The following MCF2L2 variants were observed in gnomAD, a reference collection of about 807,000 sequenced individuals.
MCF2L2 encodes probable guanine nucleotide exchange factor MCF2L2.
A neutral mutation model predicts 150.2 loss-of-function variants in MCF2L2; 102 were observed. The observed-to-expected ratio is 0.68, with a 90% confidence interval of 0.58 to 0.80. The LOEUF (loss-of-function observed/expected upper bound fraction) is 0.80, where lower values mean the gene tolerates loss of function less well. Ranked by LOEUF, MCF2L2 falls within the 30% of genes least tolerant of loss-of-function variation. MCF2L2 has a pLI of 0.00. For missense variants in MCF2L2, 1,256 were observed against 1,372.8 expected, an observed-to-expected ratio of 0.91 and a Z score of 1.34; for synonymous variants, 465 against 491.3, an observed-to-expected ratio of 0.95 and a Z score of 0.71.
intron 1 of MCF2L2, among the ~76,000 whole-genome samples, chr3:183,399,568 A>C (rs948469260): frequency 6.6e-6 from 1 of 152,232 alleles, no homozygotes; most frequent in Admixed American, 6.5e-5. Context: ...CACACTTAGA[A>C]ATGATGATTC....
rs1577063190 is a variant in MCF2L2, at chr3:183,323,276, T to C, written c.562A>G (p.Thr188Ala). 6.2e-7 allele frequency: 1 copy of C among 1,612,654 alleles called. No individual in the cohort carries two copies. The highest frequency in any genetic ancestry group is 8.5e-7 in the Non-Finnish European group (1 of 1,179,242). ...CACTGACCGTGGCGATATTCCAAAGTCCCCCCTAATTCCCGGGTCAGTTGG... is the reference window on the plus strand; with the variant it reads ...CACTGACCGTGGCGATATTCCAAAGCCCCCCCTAATTCCCGGGTCAGTTGG... ...KSQLTRELGG[T>A]LEYRHGQWVN... Residue 188 changes from threonine (T) to alanine (A), a missense_variant, in exon 6 of 30, where the codon ACT (threonine) becomes GCT (alanine). By Grantham distance (58) the Thr-to-Ala change is moderately conservative. Coordinates refer to ENST00000328913, the MANE Select transcript of MCF2L2 (RefSeq NM_015078.4).
chr3:183,410,481 T>A (rs1329742402), intron 1 of MCF2L2, among the ~76,000 whole-genome samples: 1 of 152,170 alleles, frequency 6.6e-6, no homozygotes. Context: ...AGATTCCCCA[T>A]AATTCTCTCC....
chr3:183,195,814 G>A (rs1003421964), intron 25 of MCF2L2, among the ~76,000 whole-genome samples: 3 of 152,098 alleles, frequency 2.0e-5, no homozygotes, highest in Non-Finnish European at 2.9e-5. Flanking sequence ...GACTCTCCCA[G>A]GCTAGGCTCA....
intron 10 of MCF2L2, 35 bp from the exon 11 acceptor site, chr3:183,300,231 G>T: frequency 6.4e-7 from 1 of 1,561,462 alleles, no homozygotes; most frequent in Non-Finnish European, 8.6e-7. Flanking sequence ...GGCGTCAGAA[G>T]TCAGAGCATC....
At chr3:183,338,283 C>A (rs1432233811) in intron 5 of MCF2L2, among the ~76,000 whole-genome samples, 1 of 151,866 alleles carries the variant, frequency 6.6e-6, no homozygotes, top group Non-Finnish European at 1.5e-5. Flanking sequence ...CCCGTCTCTA[C>A]TAAAAATACA....
chr3:183,305,705 C>T lies in MCF2L2; in HGVS notation c.1113+4011G>A, dbSNP rs569445466. On this transcript the variant is annotated intron_variant, in intron 10 of 29. Transcript: ENST00000328913. The surrounding 1 kb of genome is among the most constrained non-coding windows in gnomAD (Gnocchi z 4.1). ...CTCTACTAAAAATACAAAAATTAGC[C>T]GGGTGTGGTGGAGGGTACCTGTAGT... is the stretch of plus-strand genomic sequence containing the variant. Among the ~76,000 whole-genome samples the T allele has an allele frequency of 1.3e-5, 2 of 152,172 alleles. No individual in the cohort carries two copies. Among genetic ancestry groups the T allele is most frequent in the African/African-American group, 4.8e-5 (2 of 41,534 alleles).
intron 10 of MCF2L2, among the ~76,000 whole-genome samples, chr3:183,304,154 C>G (rs1988079238): frequency 6.6e-6 from 1 of 152,208 alleles, no homozygotes; most frequent in Non-Finnish European, 1.5e-5. Context: ...TTCTCTTGAT[C>G]AGAGCACCTG....
chr3:183,292,069 G>T (rs75813278), intron 13 of MCF2L2, among the ~76,000 whole-genome samples: 3,044 of 149,774 alleles, frequency 0.02, 58 homozygotes, highest in East Asian at 0.057. Context: ...GCAAGTGTGT[G>T]AGAGTGTATG....
chr3:183,272,668 G>A (rs1014603119), intron 15 of MCF2L2: 2 of 1,004,096 alleles, frequency 2.0e-6, no homozygotes, highest in Non-Finnish European at 2.4e-6. Context: ...TACAGTTTAA[G>A]TTTTCTGACC....
At chr3:183,182,192 G>A (rs1721549427) in intron 27 of MCF2L2, among the ~76,000 whole-genome samples, 1 of 152,226 alleles carries the variant, frequency 6.6e-6, no homozygotes, top group South Asian at 2.1e-4. Flanking sequence ...CGTGGAAAGA[G>A]GAAGGATCCT....
At chr3:183,413,602 C>T (rs1170116342) in intron 1 of MCF2L2, among the ~76,000 whole-genome samples, 2 of 152,160 alleles carry the variant, frequency 1.3e-5, no homozygotes, top group Admixed American at 6.5e-5. Flanking sequence ...CTCCAGGATG[C>T]GGTCAAGACG....
chr3:183,375,420 T>C (rs1376450893), intron 3 of MCF2L2: 4 of 152,250 alleles, frequency 2.6e-5, no homozygotes, highest in Non-Finnish European at 5.9e-5. Context: ...TTTCCCTTTT[T>C]TTCCTGTCGA....
chr3:183,393,084 C>A (rs896972236), intron 1 of MCF2L2, among the ~76,000 whole-genome samples: 11 of 152,164 alleles, frequency 7.2e-5, no homozygotes, highest in African/African-American at 2.2e-4. Flanking sequence ...CATGACCCAC[C>A]AAGGCGCTGG....
intron 1 of MCF2L2, among the ~76,000 whole-genome samples, chr3:183,392,920 A>G (rs549516198): frequency 1.3e-5 from 2 of 152,198 alleles, no homozygotes; most frequent in Non-Finnish European, 2.9e-5. Flanking sequence ...CTCCACTGCA[A>G]TGGGAAAGGA....
chr3:183,216,552 T>TTATATATATATATATA (rs1302056111), intron 21 of MCF2L2, among the ~76,000 whole-genome samples: 2 of 33,104 alleles, frequency 6.0e-5, no homozygotes, highest in African/African-American at 7.5e-5. Flanking sequence ...AGTATATATA[T>TTATATATATATATATA]TATATATATA....
Position 183,427,907 on chromosome 3 carries a change from T to A in MCF2L2, c.71A>T (p.His24Leu). 6.2e-7 allele frequency: 1 copy of A among 1,613,786 alleles called. No homozygotes were observed. The highest frequency in any genetic ancestry group is 8.5e-7 in the Non-Finnish European group (1 of 1,179,704). The change falls in exon 1 of 30, where the codon CAT (histidine) becomes CTT (leucine). Residue 24 changes from histidine to leucine, a missense_variant. Physicochemically the swap from His to Leu is moderately conservative, Grantham distance 99 (BLOSUM62 -3). Coordinates refer to ENST00000328913, the MANE Select transcript of MCF2L2 (RefSeq NM_015078.4). The part of the protein sequence containing the change: ...LTRRLATVIT[H>L]VDEIMQQEVR... Reference sequence around the variant, plus strand: ...AAAATTAAAGCTTCGTTTACCGACATGAGTGATCACTGTGGCCAGTCGCCG... The same window carrying A: ...AAAATTAAAGCTTCGTTTACCGACAAGAGTGATCACTGTGGCCAGTCGCCG...
chr3:183,342,020 T>A (rs1178856142), intron 3 of MCF2L2, among the ~76,000 whole-genome samples: 1 of 152,180 alleles, frequency 6.6e-6, no homozygotes, highest in African/African-American at 2.4e-5. Context: ...AGTAACACGC[T>A]CAGCTATGAG....
Position 183,229,681 on chromosome 3 carries a change from T to C in MCF2L2, c.2030A>G (p.Tyr677Cys), listed in dbSNP as rs1723475238. 1 of 1,539,354 alleles carries C rather than the reference T, an allele frequency of 6.5e-7. No homozygotes were observed. The highest frequency in any genetic ancestry group is 9.0e-7 in the Non-Finnish European group (1 of 1,116,910). Reference sequence around the variant, plus strand: ...TATTATATACCTGTTGTGAAATTCGTAAAGTTCTCTAATATTCCCAAAGAG... The same window carrying C: ...TATTATATACCTGTTGTGAAATTCGCAAAGTTCTCTAATATTCCCAAAGAG... ...DFLFGNIREL[Y>C]EFHNRTFLKE... The change falls in exon 17 of 30, where the codon TAC becomes TGC. Residue 677 changes from tyrosine (Y) to cysteine (C), a missense_variant. Transcript: ENST00000328913.
At chr3:183,323,882 C>T (rs552762497) in intron 5 of MCF2L2, among the ~76,000 whole-genome samples, 2 of 151,718 alleles carry the variant, frequency 1.3e-5, no homozygotes, top group Admixed American at 6.6e-5. Context: ...AATACCAAAG[C>T]GTGGTATAGC....
Sources: allele counts gnomAD v4.1 joint callset (sites outside exome capture counted in the v4.1 genomes callset), GRCh38; gene constraint gnomAD v4.1.1; non-coding constraint Gnocchi (gnomAD v3.1); transcripts MANE v1.5; gene names NCBI Gene and HGNC (gene_info 2026-07-23, HGNC 2026-07-21).